Variants in IPO11 observed in about 807,000 individuals in gnomAD.
The protein encoded by IPO11 is importin 11.
IPO11 carries 66 observed loss-of-function variants against 143.2 expected under a neutral mutation model. The ratio of observed to expected loss-of-function variants is 0.46; its 90% confidence interval spans 0.38 to 0.57. IPO11 has a LOEUF of 0.57. IPO11 is among the 20% of genes least tolerant of loss of function. The probability of loss-of-function intolerance (pLI) is 0.00; values close to 1 mark genes in which losing one functional copy is unlikely to be tolerated. For missense variants in IPO11, 1,026 were observed against 1,141.0 expected (o/e 0.90, Z 1.45); for synonymous variants, 385 against 377.8 (o/e 1.02, Z -0.22).
chr5:62,616,330 C>CT (rs1746132750), intron 29 of IPO11, among the ~76,000 whole-genome samples: 2 of 152,198 alleles, frequency 1.3e-5, no homozygotes, highest in African/African-American at 2.4e-5. Context: ...TAAGCACAAT[C>CT]TCAAATCTTT....
intron 28 of IPO11, among the ~76,000 whole-genome samples, chr5:62,599,486 G>A (rs557428582): frequency 6.6e-5 from 10 of 152,278 alleles, no homozygotes; most frequent in Non-Finnish European, 1.2e-4. Context: ...TCTGTAAAAT[G>A]GCTGAATTAC....
chr5:62,507,778 CT>C (rs1441548191), intron 19 of IPO11, among the ~76,000 whole-genome samples: 3 of 152,056 alleles, frequency 2.0e-5, no homozygotes, highest in Non-Finnish European at 4.4e-5. Context: ...GGAATTAAAA[CT>C]TTTTCTGTAA....
intron 22 of IPO11, among the ~76,000 whole-genome samples, chr5:62,533,914 C>T (rs888364831): frequency 2.7e-5 from 4 of 150,454 alleles, no homozygotes. Flanking sequence ...TCTGCTCTTG[C>T]ATTCCAGCTT....
chr5:62,557,847 G>A (rs1013504770), intron 26 of IPO11, among the ~76,000 whole-genome samples: 2 of 152,126 alleles, frequency 1.3e-5, no homozygotes, highest in African/African-American at 4.8e-5. Context: ...TGCACTGTCC[G>A]TACCCCAACT....
Position 62,467,183 on chromosome 5 carries a change from A to G in IPO11, c.569A>G (p.Asp190Gly). ...FACSLWNHHTDTFLQEVSSGN... is the reference protein window; with the variant it reads ...FACSLWNHHTGTFLQEVSSGN... ...TGCTCTCTGTGGAATCACCACACAG[A>G]CACATTCCTGCAAGAAGTTTCTTCT... Residue 190 changes from aspartate to glycine, a missense_variant, in exon 6 of 30, where the codon GAC becomes GGC. Coordinates refer to ENST00000325324, the MANE Select transcript of IPO11 (RefSeq NM_016338.5). The G allele has an allele frequency of 6.2e-7, 1 of 1,614,026 alleles. No individual in the cohort carries two copies. Among genetic ancestry groups the G allele is most frequent in the Non-Finnish European group, 8.5e-7 (1 of 1,179,954 alleles).
intron 5 of IPO11, among the ~76,000 whole-genome samples, chr5:62,459,504 A>AATATTTAT: frequency 6.6e-6 from 1 of 152,104 alleles, no homozygotes; most frequent in South Asian, 2.1e-4. Flanking sequence ...ACATTTTGGT[A>AATATTTAT]ATTTAATATA....
At chr5:62,478,376 A>G (rs374082509) in intron 9 of IPO11, among the ~76,000 whole-genome samples, 1 of 152,136 alleles carries the variant, frequency 6.6e-6, no homozygotes, top group Admixed American at 6.5e-5. Flanking sequence ...CATGTTGCCC[A>G]GGCTGGTCTC....
intron 19 of IPO11, among the ~76,000 whole-genome samples, chr5:62,507,666 T>C (rs1741598245): frequency 6.6e-6 from 1 of 152,190 alleles, no homozygotes; most frequent in South Asian, 2.1e-4. Flanking sequence ...ATTTGGCTAT[T>C]TTCTGTAATT....
intron 1 of IPO11, among the ~76,000 whole-genome samples, chr5:62,425,489 T>C (rs973425612): frequency 2.6e-5 from 4 of 152,082 alleles, no homozygotes; most frequent in African/African-American, 7.2e-5. Context: ...GGCTAATTTT[T>C]GCATTTTTAG....
chr5:62,555,849 C>A (rs1302269988), intron 26 of IPO11, among the ~76,000 whole-genome samples: 2 of 152,118 alleles, frequency 1.3e-5, no homozygotes, highest in Non-Finnish European at 2.9e-5. Flanking sequence ...TACAGCCTTG[C>A]ATGTTGCCTA....
At chr5:62,508,290 C>G (rs1196076023) in intron 19 of IPO11, among the ~76,000 whole-genome samples, 1 of 150,208 alleles carries the variant, frequency 6.7e-6, no homozygotes, top group Non-Finnish European at 1.5e-5. Context: ...TGCCACCATG[C>G]CTGGCTAATT....
chr5:62,426,498 C>T (rs1446772198), intron 1 of IPO11, among the ~76,000 whole-genome samples: 1 of 152,152 alleles, frequency 6.6e-6, no homozygotes, highest in East Asian at 1.9e-4. Context: ...ACTACATTAC[C>T]TACTTGATAT....
At chr5:62,550,305 A>G (rs1743346140) in intron 24 of IPO11, 62 bp from the exon 25 acceptor site, 4 of 1,235,116 alleles carry the variant, frequency 3.2e-6, no homozygotes, top group South Asian at 1.3e-5. Flanking sequence ...GTTTCCTTAC[A>G]TGTGTTTTTC....
intron 29 of IPO11, among the ~76,000 whole-genome samples, chr5:62,617,171 T>C (rs1746172994): frequency 6.6e-6 from 1 of 152,206 alleles, no homozygotes; most frequent in African/African-American, 2.4e-5. Context: ...GTCCTATAGA[T>C]GTTCATACTT....
chr5:62,477,850 C>G (rs542613202), intron 9 of IPO11, among the ~76,000 whole-genome samples: 3 of 152,170 alleles, frequency 2.0e-5, no homozygotes, highest in Non-Finnish European at 4.4e-5. Flanking sequence ...GTAATTTATT[C>G]TACTTAACAT....
intron 11 of IPO11, 151 bp from the exon 12 acceptor site, chr5:62,485,268 A>C (rs1746357405): frequency 1.7e-6 from 1 of 599,538 alleles, no homozygotes; most frequent in Admixed American, 2.9e-5. Flanking sequence ...GCATATAGTA[A>C]CAAAATCTGT....
chr5:62,413,405 A>G (rs1423368519), intron 1 of IPO11: 2 of 152,174 alleles, frequency 1.3e-5, no homozygotes, highest in Non-Finnish European at 2.9e-5. Context: ...GAAAAAGTGA[A>G]GGTAGTTGTC....
intron 9 of IPO11, among the ~76,000 whole-genome samples, chr5:62,478,746 C>T (rs1580225935): frequency 1.3e-5 from 2 of 152,092 alleles, no homozygotes; most frequent in East Asian, 3.9e-4. Context: ...TTTTTGTTAA[C>T]ATGTTCTTTA....
chr5:62,596,633 G>A (rs963800472), intron 28 of IPO11, among the ~76,000 whole-genome samples: 3 of 152,100 alleles, frequency 2.0e-5, no homozygotes, highest in East Asian at 1.9e-4. Flanking sequence ...CCCACTGAAC[G>A]GCTCTTCAGA....
Sources: allele counts gnomAD v4.1 joint callset (sites outside exome capture counted in the v4.1 genomes callset), GRCh38; gene constraint gnomAD v4.1.1; transcripts MANE v1.5; gene names NCBI Gene and HGNC (gene_info 2026-07-23, HGNC 2026-07-21).